The following USP9X variants were observed in gnomAD, a reference collection of about 807,000 sequenced individuals.
USP9X encodes the protein ubiquitin carboxyl-terminal hydrolase 9X.
USP9X carries 7 observed loss-of-function variants against 190.3 expected under a neutral mutation model. That is an observed-to-expected ratio of 0.04 (90% CI 0.02 to 0.07). The LOEUF (loss-of-function observed/expected upper bound fraction) is 0.07, where lower values mean the gene tolerates loss of function less well. USP9X is among the 10% of genes least tolerant of loss of function. USP9X has a pLI of 1.00. For synonymous variants in USP9X, 645 were observed against 659.5 expected (o/e 0.98, Z 0.34); for missense variants, 1,010 against 1,916.9 (o/e 0.53, Z 8.83).
At chrX:41,105,040 T>C (rs1211742962) in intron 1 of USP9X, among the ~76,000 whole-genome samples, 1 of 111,108 alleles carries the variant, frequency 9.0e-6, no homozygotes, top group Non-Finnish European at 1.9e-5. Context: ...CCTAAATTTC[T>C]GACAAACTAC....
rs2062716262 is a variant in USP9X, at chrX:41,170,483, A to G, written c.2891A>G (p.Lys964Arg). The G allele has an allele frequency of 2.5e-6, 3 of 1,210,465 alleles. No homozygotes were observed. The highest frequency in any genetic ancestry group is 1.7e-5 in the African/African-American group (1 of 57,717). Residue 964 changes from lysine (K) to arginine (R), a missense_variant, in exon 20 of 45, where the codon AAA becomes AGA. By Grantham distance (26) the Lys-to-Arg change is conservative. Coordinates refer to ENST00000378308, the MANE Select transcript of USP9X (RefSeq NM_001039591.3). The part of the protein sequence containing the change: ...NLKDKSLITA[K>R]LTQISSNMPS... ...TATAATTTTCAGCTTATTACAGCCAAACTTACACAGATAAGTTCCAATATG... is the reference window on the plus strand; with the variant it reads ...TATAATTTTCAGCTTATTACAGCCAGACTTACACAGATAAGTTCCAATATG...
chrX:41,216,706 C>T, intron 35 of USP9X, 54 bp downstream of exon 35: 3 of 1,097,952 alleles, frequency 2.7e-6, no homozygotes, highest in Non-Finnish European at 3.7e-6. Context: ...TTATAGTAGG[C>T]GTCAACATGT....
At chrX:41,179,665 T>G (rs1300960376) in intron 21 of USP9X, among the ~76,000 whole-genome samples, 2 of 112,213 alleles carry the variant, frequency 1.8e-5, no homozygotes, top group Non-Finnish European at 3.8e-5. Context: ...CCATTCCGTA[T>G]TTGTATCTCT....
intron 33 of USP9X, 58 bp downstream of exon 33, chrX:41,210,740 T>C: frequency 7.3e-6 from 8 of 1,099,162 alleles, no homozygotes; most frequent in Non-Finnish European, 9.8e-6. Context: ...CTAACAGAAA[T>C]AAAATTTTTA....
rs372596857 is a variant in USP9X, at chrX:41,216,146, G to A, written c.5579G>A (p.Ser1860Asn). 8.7e-5 allele frequency: 105 copies of A among 1,209,843 alleles called. No individual in the cohort carries two copies. Among genetic ancestry groups the A allele is most frequent in the Non-Finnish European group, 1.0e-4 (94 of 895,284 alleles). ...CAGTCTGAAAGTGAGACAGCAGGAA[G>A]CACAAAATACAGACTTGTGGGTGTG... ...SEQSESETAGSTKYRLVGVLV... is the reference protein window; with the variant it reads ...SEQSESETAGNTKYRLVGVLV... The change falls in exon 35 of 45, where the codon AGC becomes AAC. Residue 1860 changes from serine (S) to asparagine (N), a missense_variant. By Grantham distance (46) the Ser-to-Asn change is conservative. Coordinates refer to ENST00000378308, the MANE Select transcript of USP9X (RefSeq NM_001039591.3).
chrX:41,226,597 A>G (rs1342781825), intron 41 of USP9X, among the ~76,000 whole-genome samples: 1 of 112,239 alleles, frequency 8.9e-6, no homozygotes, highest in Non-Finnish European at 1.9e-5. Flanking sequence ...GCAACTTAGT[A>G]TTTTCAAATT....
chrX:41,122,146 C>G (rs1352712891), intron 1 of USP9X, among the ~76,000 whole-genome samples: 1 of 110,625 alleles, frequency 9.0e-6, no homozygotes, highest in African/African-American at 3.3e-5. Flanking sequence ...GGGATCTTAA[C>G]AGAAATTTGT....
At position 41,117,577 on chromosome X, in the gene USP9X, TTC is replaced by T. The variant is rs200561314; in HGVS notation, c.-158-5892_-158-5891del. ...CCATTCTAACCTTTTTTTTTTCTTC[TTC>T]TTTTTTTTTTTTTTTTGAGACGGAG... is the stretch of plus-strand genomic sequence containing the variant. On this transcript the variant is annotated intron_variant, in intron 1 of 44. Transcript: ENST00000378308. 6.9e-4 allele frequency among the ~76,000 whole-genome samples: 71 copies of T among 103,250 alleles called. 1 individual carries two copies. The highest frequency in any genetic ancestry group is 4.9e-3 in the South Asian group (12 of 2,441). 89.7% of individuals were successfully genotyped at this position (103,250 alleles called of 115,157 possible).
In USP9X at chrX:41,123,683, G is replaced by T; in HGVS notation, c.55G>T (p.Ala19Ser). The change falls in exon 2 of 45, where the codon GCT becomes TCT. Residue 19 changes from alanine (A) to serine (S), a missense_variant. Around this residue, in one of 11 missense-constraint regions of USP9X, gnomAD observed 176 missense variants for 247.5 expected, o/e 0.71. Coordinates refer to ENST00000378308, the MANE Select transcript of USP9X (RefSeq NM_001039591.3). ...PVGGNDNQGQ[A>S]PDGQSQPPLQ... ...CGGAGGGAATGACAACCAGGGCCAG[G>T]CTCCTGATGGACAGTCTCAGCCCCC... is the stretch of plus-strand genomic sequence containing the variant. 1 of 1,211,868 alleles carries T rather than the reference G, an allele frequency of 8.3e-7. No homozygotes were observed. Among genetic ancestry groups the T allele is most frequent in the South Asian group, 1.8e-5 (1 of 56,970 alleles).
At chrX:41,157,504 G>A (rs2046725988) in intron 14 of USP9X, among the ~76,000 whole-genome samples, 1 of 110,984 alleles carries the variant, frequency 9.0e-6, no homozygotes, top group Non-Finnish European at 1.9e-5. Context: ...AAACATGGGG[G>A]CAGAGCTGTC....
At chrX:41,152,528 T>C (rs1386686907) in intron 13 of USP9X, among the ~76,000 whole-genome samples, 1 of 111,958 alleles carries the variant, frequency 8.9e-6, no homozygotes, top group Non-Finnish European at 1.9e-5. Flanking sequence ...CTTAAATAGC[T>C]AATAAGAAGA....
At chrX:41,128,333 A>G (rs926600072) in intron 2 of USP9X, among the ~76,000 whole-genome samples, 2 of 112,197 alleles carry the variant, frequency 1.8e-5, no homozygotes, top group South Asian at 7.3e-4. Flanking sequence ...TTAAGAACAC[A>G]AACTATTTAG....
chrX:41,106,835 A>G (rs779144988), intron 1 of USP9X, among the ~76,000 whole-genome samples: 1 of 102,164 alleles, frequency 9.8e-6, no homozygotes, highest in Non-Finnish European at 2.0e-5. Context: ...CCGGCCCTGA[A>G]TTCATTTTTG....
chrX:41,232,817 GAT>G lies in USP9X; in HGVS notation c.*294_*295del. On this transcript the variant is annotated 3_prime_UTR_variant, in exon 45 of 45. Transcript: ENST00000378308. Reference sequence around the variant, plus strand: ...TTCTTAAGCAAGAAACTTTTTTCTTGATGAGACTCACAGATCTACACAAACTA... The same window carrying G: ...TTCTTAAGCAAGAAACTTTTTTCTTGGAGACTCACAGATCTACACAAACTA... 1 of 122,203 alleles carries G rather than the reference GAT, an allele frequency of 8.2e-6. No homozygotes were observed. Among genetic ancestry groups the G allele is most frequent in the Non-Finnish European group, 1.6e-5 (1 of 63,272 alleles). The allele number at this position is 122,203 out of a possible 1,213,427, so 10.1% of individuals were successfully genotyped here. A position where few individuals can be genotyped will look rare whatever the true frequency, so the allele number is the denominator to read the frequency against.
chrX:41,167,690 G>C, intron 17 of USP9X, 113 bp downstream of exon 17: 1 of 517,399 alleles, frequency 1.9e-6, no homozygotes, highest in East Asian at 3.9e-5. Context: ...TAGTTGTCTT[G>C]AAGTGATTGG....
intron 1 of USP9X, among the ~76,000 whole-genome samples, chrX:41,100,655 A>G (rs1033054768): frequency 9.0e-6 from 1 of 110,802 alleles, no homozygotes; most frequent in Non-Finnish European, 1.9e-5. Flanking sequence ...TTTAAAAAAA[A>G]TTTTTTTTGA....
chrX:41,108,941 A>G (rs1019092292), intron 1 of USP9X, among the ~76,000 whole-genome samples: 5 of 111,169 alleles, frequency 4.5e-5, no homozygotes, highest in Non-Finnish European at 9.4e-5. Context: ...TCTTGGTGCA[A>G]TAGAGCCTGT....
chrX:41,133,192 C>T (rs903442105), intron 4 of USP9X, among the ~76,000 whole-genome samples: 1 of 111,702 alleles, frequency 9.0e-6, no homozygotes, highest in Non-Finnish European at 1.9e-5. Context: ...GTTTAAAGAA[C>T]GTGTCCTTAT....
At chrX:41,095,776 A>G (rs1026092178) in intron 1 of USP9X, among the ~76,000 whole-genome samples, 10 of 111,825 alleles carry the variant, frequency 8.9e-5, no homozygotes, top group African/African-American at 2.3e-4. Flanking sequence ...GAGACATTAG[A>G]TTTGTGTTTG....
Sources: allele counts gnomAD v4.1 joint callset (sites outside exome capture counted in the v4.1 genomes callset), GRCh38; gene constraint gnomAD v4.1.1; regional missense constraint gnomAD v4.1.1; transcripts MANE v1.5; gene names NCBI Gene and HGNC (gene_info 2026-07-23, HGNC 2026-07-21).